The following FBXO34 variants were observed in gnomAD, a reference collection of about 807,000 sequenced individuals.
The protein encoded by FBXO34 is F-box only protein 34.
A neutral mutation model predicts 24.5 loss-of-function variants in FBXO34; 12 were observed. That is an observed-to-expected ratio of 0.49 (90% CI 0.31 to 0.79). FBXO34 has a LOEUF of 0.79. Among genes scored for constraint, FBXO34 ranks in the 30% least tolerant of loss-of-function variants. The probability of loss-of-function intolerance (pLI) is 0.04; values close to 1 mark genes in which losing one functional copy is unlikely to be tolerated. For missense variants in FBXO34, 823 were observed against 857.7 expected, an observed-to-expected ratio of 0.96 and a Z score of 0.51; for synonymous variants, 320 against 311.9, an observed-to-expected ratio of 1.03 and a Z score of -0.27.
At chr14:55,309,028 A>T (rs1290477426) in intron 1 of FBXO34, among the ~76,000 whole-genome samples, 1 of 152,208 alleles carries the variant, frequency 6.6e-6, no homozygotes, top group Non-Finnish European at 1.5e-5. Flanking sequence ...GGTAACTAGT[A>T]GACTTGTTAT....
At chr14:55,278,842 A>G (rs1470105696) in intron 1 of FBXO34, among the ~76,000 whole-genome samples, 1 of 152,106 alleles carries the variant, frequency 6.6e-6, no homozygotes, top group Non-Finnish European at 1.5e-5. Flanking sequence ...GCGCACCACC[A>G]CACGCAGCTA....
chr14:55,308,075 C>T (rs1023804976), intron 1 of FBXO34, among the ~76,000 whole-genome samples: 2 of 152,224 alleles, frequency 1.3e-5, no homozygotes, highest in African/African-American at 4.8e-5. Flanking sequence ...CACAAGCTCT[C>T]TTGCGTGTTG....
At chr14:55,323,224 T>TAAA (rs1883219735) in intron 1 of FBXO34, among the ~76,000 whole-genome samples, 1 of 33,268 alleles carries the variant, frequency 3.0e-5, no homozygotes, top group Non-Finnish European at 4.5e-5. Flanking sequence ...AAAAAATATA[T>TAAA]ATTTTTTTTT....
the FBXO34 span, chr14:55,380,637 T>G: frequency 6.2e-7 from 1 of 1,613,338 alleles, no homozygotes. Context: ...ACCAGCTGAG[T>G]TGCATAGCAC....
intron 1 of FBXO34, among the ~76,000 whole-genome samples, chr14:55,284,806 G>A (rs1030060947): frequency 6.7e-6 from 1 of 149,384 alleles, no homozygotes; most frequent in African/African-American, 2.4e-5. Flanking sequence ...TGTAGAGATA[G>A]GGTTTCACGC....
chr14:55,340,908 A>C (rs114691705), intron 1 of FBXO34, among the ~76,000 whole-genome samples: 3,010 of 152,344 alleles, frequency 0.02, 79 homozygotes, highest in African/African-American at 0.069. Context: ...CACATATTAA[A>C]GCACTGATCA....
chr14:55,439,671 CT>C, the FBXO34 span, among the ~76,000 whole-genome samples: 10 of 146,122 alleles, frequency 6.8e-5, no homozygotes, highest in Non-Finnish European at 5.9e-5. Flanking sequence ...TGGCTCACGC[CT>C]GTAATCCCAG....
At chr14:55,354,192 A>T (rs79711944), downstream of FBXO34, among the ~76,000 whole-genome samples, 8 of 152,234 alleles carry the variant, frequency 5.3e-5, no homozygotes, top group East Asian at 1.4e-3. Context: ...CTTTTCCTTC[A>T]AGAGTGTTTT....
chr14:55,332,618 G>T (rs1463473236), intron 1 of FBXO34, among the ~76,000 whole-genome samples: 1 of 152,202 alleles, frequency 6.6e-6, no homozygotes, highest in East Asian at 1.9e-4. Context: ...CTGAGTGTTA[G>T]TATGGACATA....
At position 55,271,424 on chromosome 14, in the gene FBXO34, C is replaced by G. The variant is rs1321553127; in HGVS notation, c.-124C>G. 1 of 152,160 alleles carries G rather than the reference C, an allele frequency of 6.6e-6. No homozygotes were observed. The highest frequency in any genetic ancestry group is 1.5e-5 in the Non-Finnish European group (1 of 68,058). The allele number at this position is 152,160 out of a possible 1,614,324, so 9.4% of individuals were successfully genotyped here. On this transcript the variant is annotated 5_prime_UTR_variant, in exon 1 of 2. Coordinates refer to ENST00000313833, the MANE Select transcript of FBXO34 (RefSeq NM_017943.4). ...GCGCCGCCGCGCCGCGCTGGGTGCT[C>G]GGTCCGACTCAGCGGTGGGGAGTGA... is the stretch of plus-strand genomic sequence containing the variant.
At chr14:55,397,467 T>A in the FBXO34 span, 1 of 1,553,222 alleles carries the variant, frequency 6.4e-7, no homozygotes, top group South Asian at 1.1e-5. Context: ...CTTATTTAAA[T>A]GGTCATTTTT....
chr14:55,377,840 G>A, the FBXO34 span: 1 of 1,596,262 alleles, frequency 6.3e-7, no homozygotes, highest in African/African-American at 1.4e-5. Flanking sequence ...TTCAGAGCTT[G>A]GACTGACCAG....
At chr14:55,348,992 C>T (rs1288161178) in intron 1 of FBXO34, among the ~76,000 whole-genome samples, 1 of 152,112 alleles carries the variant, frequency 6.6e-6, no homozygotes, top group Non-Finnish European at 1.5e-5. Flanking sequence ...GTAGGTGAAA[C>T]TTCACGTGCT....
At chr14:55,435,411 G>T in the FBXO34 span, among the ~76,000 whole-genome samples, 3 of 150,828 alleles carry the variant, frequency 2.0e-5, no homozygotes, top group African/African-American at 4.9e-5. Flanking sequence ...GAGTAGCTGG[G>T]ATTACAGGCA....
At chr14:55,433,309 CT>C in the FBXO34 span, among the ~76,000 whole-genome samples, 8,379 of 119,706 alleles carry the variant, frequency 0.07, 339 homozygotes, top group Non-Finnish European at 0.092. Context: ...TTAGATTTCT[CT>C]TTTTTTTTTT....
chr14:55,397,305 G>T, the FBXO34 span: 1 of 1,311,918 alleles, frequency 7.6e-7, no homozygotes, highest in Non-Finnish European at 1.1e-6. Flanking sequence ...GCATACCACA[G>T]CACTGAATTC....
the FBXO34 span, among the ~76,000 whole-genome samples, chr14:55,407,376 G>A: frequency 0.23 from 34,293 of 151,956 alleles, 4,110 homozygotes; most frequent in South Asian, 0.26. Context: ...TAATCTGCCC[G>A]CCTCAGCCTC....
intron 1 of FBXO34, among the ~76,000 whole-genome samples, chr14:55,334,774 T>C (rs1333176678): frequency 6.6e-6 from 1 of 152,190 alleles, no homozygotes; most frequent in Non-Finnish European, 1.5e-5. Flanking sequence ...ATGTATGTGC[T>C]TTGGTATTTT....
the FBXO34 span, among the ~76,000 whole-genome samples, chr14:55,404,590 G>A: frequency 6.6e-6 from 1 of 152,114 alleles, no homozygotes; most frequent in Non-Finnish European, 1.5e-5. Context: ...ATTATGACAG[G>A]CCTTGAAAAT....
Sources: allele counts gnomAD v4.1 joint callset (sites outside exome capture counted in the v4.1 genomes callset), GRCh38; gene constraint gnomAD v4.1.1; transcripts MANE v1.5; gene names NCBI Gene and HGNC (gene_info 2026-07-23, HGNC 2026-07-21).